Variants in PEAK1 observed in about 807,000 individuals in gnomAD.
The protein encoded by PEAK1 is pseudopodium enriched atypical kinase 1.
A neutral mutation model predicts 124.7 loss-of-function variants in PEAK1; 54 were observed. The ratio of observed to expected loss-of-function variants is 0.43; its 90% CI spans 0.35 to 0.54. The LOEUF (loss-of-function observed/expected upper bound fraction) is 0.54. Among genes scored for constraint, PEAK1 ranks in the 20% least tolerant of loss-of-function variants. The pLI, the probability that PEAK1 is intolerant of heterozygous loss-of-function variation, is 0.01. For missense variants in PEAK1, 2,046 were observed against 2,134.5 expected, an observed-to-expected ratio of 0.96 and a Z score of 0.82; for synonymous variants, 719 against 760.0, an observed-to-expected ratio of 0.95 and a Z score of 0.89.
intron 6 of PEAK1, chr15:77,204,572 C>G (rs1457468302): frequency 6.6e-6 from 1 of 152,492 alleles, no homozygotes; most frequent in African/African-American, 2.4e-5. Flanking sequence ...TGCCAAGATG[C>G]CCAACTGAAG....
At chr15:77,347,754 G>GT in intron 2 of PEAK1, 2 of 978,184 alleles carry the variant, frequency 2.0e-6, no homozygotes, top group Middle Eastern at 5.2e-4. Context: ...TAAATTAGGA[G>GT]TTTTTTAAAA....
At position 77,234,658 on chromosome 15, in the gene PEAK1, T is replaced by C. The variant is rs560574007; in HGVS notation, c.-115+17709A>G. Among the ~76,000 whole-genome samples, 3 of 152,138 alleles carry C rather than the reference T, an allele frequency of 2.0e-5. No homozygotes were observed. The East Asian group carries it at 5.8e-4, about 29-fold the overall frequency. On this transcript the variant is annotated intron_variant, in intron 6 of 9. Transcript: ENST00000682557. ...CACAGAATTGGAGAGATACTGAGAT[T>C]ACAGAAAATTTTTTTTTTAATTTAA...
intron 9 of PEAK1, among the ~76,000 whole-genome samples, chr15:77,130,483 G>A (rs998268976): frequency 3.3e-5 from 5 of 152,206 alleles, no homozygotes; most frequent in African/African-American, 1.2e-4. Flanking sequence ...GTCAACTGGT[G>A]TAGATACTGT....
chr15:77,119,317 G>A (rs1175229775), intron 9 of PEAK1, among the ~76,000 whole-genome samples: 1 of 152,226 alleles, frequency 6.6e-6, no homozygotes, highest in African/African-American at 2.4e-5. Flanking sequence ...GCACCAACAT[G>A]AATAACCTAC....
intron 6 of PEAK1, among the ~76,000 whole-genome samples, chr15:77,216,793 C>A (rs76726399): frequency 6.6e-6 from 1 of 152,218 alleles, no homozygotes; most frequent in South Asian, 2.1e-4. Flanking sequence ...TGCCACTCAA[C>A]GGGGGCCAAA....
chr15:77,317,984 T>A (rs1292648329), intron 2 of PEAK1, among the ~76,000 whole-genome samples: 1 of 152,094 alleles, frequency 6.6e-6, no homozygotes, highest in Non-Finnish European at 1.5e-5. Flanking sequence ...ATGATGACAT[T>A]TCAGAAATGG....
intron 2 of PEAK1, among the ~76,000 whole-genome samples, chr15:77,327,300 T>C (rs1365041243): frequency 6.6e-6 from 1 of 152,118 alleles, no homozygotes; most frequent in Non-Finnish European, 1.5e-5. Context: ...CATCAGATTA[T>C]GGTTCTAAAT....
At chr15:77,278,636 G>T (rs2062469145) in intron 5 of PEAK1, 2 of 519,622 alleles carry the variant, frequency 3.8e-6, no homozygotes, top group Non-Finnish European at 3.8e-6. Context: ...AGGAGAAATG[G>T]GAAAAGCTGA....
intron 2 of PEAK1, chr15:77,350,415 G>T (rs931571899): frequency 2.0e-6 from 2 of 985,188 alleles, no homozygotes; most frequent in African/African-American, 3.5e-5. Context: ...ACTGAATAGG[G>T]AACAGCCTGA....
chr15:77,233,208 AACTACTTAAAAAGAGTGCCCTTC>A (rs1205985917), intron 6 of PEAK1, among the ~76,000 whole-genome samples: 1 of 152,090 alleles, frequency 6.6e-6, no homozygotes, highest in Non-Finnish European at 1.5e-5. Context: ...TCTAAAGCAA[AACTACTTAAAAAGAGTGCCCTTC>A]ACTTTCTACC....
chr15:77,305,472 G>A (rs1234498513), intron 2 of PEAK1, among the ~76,000 whole-genome samples: 3 of 152,194 alleles, frequency 2.0e-5, no homozygotes, highest in East Asian at 3.9e-4. Flanking sequence ...TATAAAGAGG[G>A]GTGGAAAGGT....
chr15:77,349,169 A>G, intron 2 of PEAK1: 1 of 405,918 alleles, frequency 2.5e-6, no homozygotes, highest in Non-Finnish European at 3.3e-6. Context: ...CCTCCCGAGT[A>G]GCTGGGACTA....
At chr15:77,380,206 A>G (rs763986558) in intron 1 of PEAK1, among the ~76,000 whole-genome samples, 2 of 152,176 alleles carry the variant, frequency 1.3e-5, no homozygotes, top group Non-Finnish European at 2.9e-5. Flanking sequence ...GAATCGGTCA[A>G]TAGCATGACC....
At chr15:77,333,003 T>A in intron 2 of PEAK1, 1 of 912,364 alleles carries the variant, frequency 1.1e-6, no homozygotes, top group Non-Finnish European at 1.3e-6. Flanking sequence ...CATTCATTTC[T>A]TATTGACTTA....
intron 3 of PEAK1, 173 bp from the exon 4 acceptor site, chr15:77,285,228 A>G (rs2062863590): frequency 6.6e-6 from 1 of 152,140 alleles, no homozygotes; most frequent in Non-Finnish European, 1.5e-5. Flanking sequence ...AAAGATTAGT[A>G]TGTCACCTGG....
intron 5 of PEAK1, among the ~76,000 whole-genome samples, chr15:77,254,027 C>T (rs1444925940): frequency 6.6e-6 from 1 of 152,040 alleles, no homozygotes; most frequent in Non-Finnish European, 1.5e-5. Context: ...ACCATGTTGG[C>T]CAGGCTGGTC....
At chr15:77,349,639 A>C (rs144387224) in intron 2 of PEAK1, 20,236 of 984,776 alleles carry the variant, frequency 0.021, 272 homozygotes, top group Middle Eastern at 0.022. Flanking sequence ...TAATGACTCT[A>C]ATATTCACGT....
rs1463874614 is a variant in PEAK1, at chr15:77,114,476, G to C, written c.4921C>G (p.Leu1641Val). The C allele has an allele frequency of 6.2e-7, 1 of 1,613,988 alleles. No homozygotes were observed. The highest frequency in any genetic ancestry group is 8.5e-7 in the Non-Finnish European group (1 of 1,179,996). ...TTGGGATTCAGGAGGCAGCTGGCCA[G>C]CTGCTGCAGACCCCGGGAGTAGGGG... ...RSPYSRGLQQ[L>V]ASCLLNPNPS... Residue 1641 changes from leucine (L) to valine (V), a missense_variant, in exon 10 of 10, where the codon CTG (leucine) becomes GTG (valine). Transcript: ENST00000682557.
intron 2 of PEAK1, among the ~76,000 whole-genome samples, chr15:77,322,947 G>A (rs984898166): frequency 2.0e-5 from 3 of 152,152 alleles, no homozygotes; most frequent in Non-Finnish European, 2.9e-5. Context: ...GATCAAGAGG[G>A]CTTCATCCCT....
Sources: allele counts gnomAD v4.1 joint callset (sites outside exome capture counted in the v4.1 genomes callset), GRCh38; gene constraint gnomAD v4.1.1; transcripts MANE v1.5; gene names NCBI Gene and HGNC (gene_info 2026-07-23, HGNC 2026-07-21).